The following SYNPR variants were observed in gnomAD, a reference collection of about 807,000 sequenced individuals.
SYNPR encodes synaptoporin.
SYNPR carries 23 observed loss-of-function variants against 32.9 expected under a neutral mutation model. The observed-to-expected ratio is 0.70, with a 90% confidence interval of 0.50 to 0.99. SYNPR has a LOEUF of 0.99. Ranked by LOEUF, SYNPR falls within the 50% of genes least tolerant of loss-of-function variation. SYNPR has a pLI of 0.00. For missense variants in SYNPR, 318 were observed against 349.3 expected (o/e 0.91, Z 0.71); for synonymous variants, 146 against 135.9 (o/e 1.07, Z -0.52).
At chr3:63,319,367 A>G (rs1367448325) in intron 2 of SYNPR, among the ~76,000 whole-genome samples, 2 of 152,052 alleles carry the variant, frequency 1.3e-5, no homozygotes, top group African/African-American at 4.8e-5. Context: ...TGATGTCTCT[A>G]GCTTTGTTTT....
chr3:63,307,539 C>G (rs1305649499), intron 2 of SYNPR, among the ~76,000 whole-genome samples: 1 of 151,994 alleles, frequency 6.6e-6, no homozygotes, highest in Non-Finnish European at 1.5e-5. Context: ...TCCTTCTCCT[C>G]TTGGCTTGCT....
intron 2 of SYNPR, among the ~76,000 whole-genome samples, chr3:63,303,302 G>C (rs909053195): frequency 2.0e-5 from 3 of 151,812 alleles, no homozygotes; most frequent in Non-Finnish European, 4.4e-5. Flanking sequence ...TGTAGAGGGA[G>C]GGAGCCTGAG....
At chr3:63,611,095 A>G (rs1700190842) in intron 5 of SYNPR, among the ~76,000 whole-genome samples, 1 of 152,208 alleles carries the variant, frequency 6.6e-6, no homozygotes, top group South Asian at 2.1e-4. Flanking sequence ...CACTTCTGGT[A>G]CCAATGTTTG....
chr3:63,318,498 C>A (rs917137074), intron 2 of SYNPR, among the ~76,000 whole-genome samples: 2 of 151,800 alleles, frequency 1.3e-5, no homozygotes, highest in Middle Eastern at 3.2e-3. Context: ...AATTCAAAGA[C>A]CTTGTCTTTG....
At chr3:63,587,331 T>C (rs1435233216) in intron 4 of SYNPR, among the ~76,000 whole-genome samples, 2 of 152,154 alleles carry the variant, frequency 1.3e-5, no homozygotes, top group Non-Finnish European at 2.9e-5. Context: ...GAAGTACTCC[T>C]GTCCCATGTT....
intron 2 of SYNPR, among the ~76,000 whole-genome samples, chr3:63,321,052 T>C (rs1280675320): frequency 2.0e-5 from 3 of 152,106 alleles, no homozygotes; most frequent in African/African-American, 7.2e-5. Flanking sequence ...ATAAGCATGC[T>C]AGACATGGAT....
intron 2 of SYNPR, among the ~76,000 whole-genome samples, chr3:63,261,778 C>CA (rs1488309605): frequency 6.7e-6 from 1 of 149,206 alleles, no homozygotes; most frequent in Non-Finnish European, 1.5e-5. Context: ...ATCGCAAGGA[C>CA]AAAAAACCAA....
intron 2 of SYNPR, among the ~76,000 whole-genome samples, chr3:63,475,240 G>A (rs1700878569): frequency 6.6e-6 from 1 of 152,078 alleles, no homozygotes; most frequent in South Asian, 2.1e-4. Flanking sequence ...GTAATTTTTT[G>A]TAAGGAACAG....
intron 2 of SYNPR, among the ~76,000 whole-genome samples, chr3:63,478,047 C>T (rs577608074): frequency 8.5e-5 from 13 of 152,140 alleles, no homozygotes; most frequent in Non-Finnish European, 1.6e-4. Context: ...AGAAATGTAA[C>T]CTGGAAGCCC....
chr3:63,593,804 T>C (rs1699881822), intron 4 of SYNPR, among the ~76,000 whole-genome samples: 1 of 152,106 alleles, frequency 6.6e-6, no homozygotes, highest in African/African-American at 2.4e-5. Context: ...AGTGTGACAA[T>C]AGTGTATCTT....
chr3:63,403,818 C>T (rs2088324316), intron 2 of SYNPR, among the ~76,000 whole-genome samples: 1 of 152,018 alleles, frequency 6.6e-6, no homozygotes. Context: ...TGAAGTAAGC[C>T]AGAGAGAAAG....
At chr3:63,480,998 T>A (rs372486955) in intron 3 of SYNPR, 42 bp downstream of exon 3, 1 of 1,584,948 alleles carries the variant, frequency 6.3e-7, no homozygotes, top group Non-Finnish European at 8.6e-7. Context: ...CACAGGGGGT[T>A]ATTTCTTTCT....
chr3:63,388,749 A>C (rs28677172), intron 2 of SYNPR, among the ~76,000 whole-genome samples: 17,067 of 151,914 alleles, frequency 0.11, 1,189 homozygotes, highest in African/African-American at 0.19. Context: ...TTTAAACAAT[A>C]TTTTTAAGTG....
chr3:63,385,756 C>T (rs1197326130), intron 2 of SYNPR, among the ~76,000 whole-genome samples: 2 of 152,142 alleles, frequency 1.3e-5, no homozygotes, highest in African/African-American at 4.8e-5. Flanking sequence ...GAAGAGAAAT[C>T]ACTGGTTACA....
At chr3:63,202,024 T>A in the SYNPR span, among the ~76,000 whole-genome samples, 1 of 152,312 alleles carries the variant, frequency 6.6e-6, no homozygotes, top group Non-Finnish European at 1.5e-5. Flanking sequence ...ATTCAAATGC[T>A]GCCAGGAGTT....
rs536247000 is a variant in SYNPR, at chr3:63,319,049, G to A, written c.84+40307G>A. On this transcript the variant is annotated intron_variant, in intron 2 of 5. Coordinates refer to ENST00000478300, the MANE Select transcript of SYNPR (RefSeq NM_001130003.2). The stretch of plus-strand genomic sequence containing the variant: ...TCTCTTCTGGGTCTAGCCACCCAGC[G>A]AGTCTACCTGGCTCTGGGCTGGTAC... 3.2e-3 allele frequency among the ~76,000 whole-genome samples: 483 copies of A among 152,124 alleles called. 3 individuals carry two copies. Among genetic ancestry groups the A allele is most frequent in the African/African-American group, 0.011 (448 of 41,556 alleles).
chr3:63,423,041 G>A (rs1280047776), intron 2 of SYNPR, among the ~76,000 whole-genome samples: 2 of 152,150 alleles, frequency 1.3e-5, no homozygotes, highest in Non-Finnish European at 2.9e-5. Context: ...CAGATCGATT[G>A]TTCATTATGA....
intron 2 of SYNPR, among the ~76,000 whole-genome samples, chr3:63,390,194 G>A (rs1560214098): frequency 6.6e-6 from 1 of 152,168 alleles, no homozygotes; most frequent in African/African-American, 2.4e-5. Context: ...ATAAACAAAT[G>A]TGCCTGTTGC....
intron 2 of SYNPR, among the ~76,000 whole-genome samples, chr3:63,317,545 T>C (rs771278867): frequency 6.6e-6 from 1 of 152,064 alleles, no homozygotes; most frequent in Non-Finnish European, 1.5e-5. Context: ...GAAAAAAGAA[T>C]GGCTACCCCC....
Sources: gnomAD v4.1 joint callset for allele counts (sites outside exome capture counted in the v4.1 genomes callset) on GRCh38, gnomAD v4.1.1 for gene constraint, MANE v1.5 for transcripts, NCBI Gene and HGNC (gene_info 2026-07-23, HGNC 2026-07-21) for gene names.